The following CATSPERE variants were observed in gnomAD, a reference collection of about 807,000 sequenced individuals.
CATSPERE encodes catsper channel auxiliary subunit epsilon.
Under a neutral mutation model 114.1 loss-of-function variants are expected in CATSPERE, and 93 were observed. The ratio of observed to expected loss-of-function variants is 0.81; its 90% CI spans 0.69 to 0.97. The LOEUF is 0.97. CATSPERE is among the 50% of genes least tolerant of loss of function. The pLI, the probability that CATSPERE is intolerant of heterozygous loss-of-function variation, is 0.00. For synonymous variants in CATSPERE, 341 were observed against 384.1 expected, an observed-to-expected ratio of 0.89 and a Z score of 1.31; for missense variants, 1,058 against 1,131.6, an observed-to-expected ratio of 0.93 and a Z score of 0.93.
intron 19 of CATSPERE, among the ~76,000 whole-genome samples, chr1:244,610,866 T>C (rs1049797496): frequency 6.6e-6 from 1 of 152,018 alleles, no homozygotes; most frequent in African/African-American, 2.4e-5. Context: ...GTTCAAGTGA[T>C]TCTCCTGCCT....
chr1:244,465,261 C>A (rs1342049202), intron 2 of CATSPERE, among the ~76,000 whole-genome samples: 1 of 152,130 alleles, frequency 6.6e-6, no homozygotes, highest in Non-Finnish European at 1.5e-5. Context: ...GTCTTGAACT[C>A]CTGACCTCGT....
chr1:244,464,025 A>G, intron 2 of CATSPERE, 69 bp downstream of exon 2: 3 of 1,118,376 alleles, frequency 2.7e-6, no homozygotes, highest in Non-Finnish European at 4.0e-6. Flanking sequence ...CAGAGAGCAG[A>G]GTTAATCATA....
chr1:244,548,554 C>T (rs989635001), intron 8 of CATSPERE, among the ~76,000 whole-genome samples: 3 of 152,214 alleles, frequency 2.0e-5, no homozygotes, highest in Non-Finnish European at 2.9e-5. Flanking sequence ...ATCCTTCTGC[C>T]ATAATTATCA....
chr1:244,572,296 C>G (rs1304176831), intron 10 of CATSPERE, 34 bp from the exon 11 acceptor site: 2 of 1,058,874 alleles, frequency 1.9e-6, no homozygotes, highest in Non-Finnish European at 1.4e-6. Flanking sequence ...TTTATGGTTA[C>G]TTAGACTAAC....
rs539018994 is a variant in CATSPERE, at chr1:244,491,929, C to A, written c.351+1458C>A. 3.3e-4 allele frequency among the ~76,000 whole-genome samples: 50 copies of A among 152,248 alleles called. 1 individual carries two copies. In the South Asian group the frequency reaches 9.3e-3, roughly 28 times the overall value. On this transcript the variant is annotated intron_variant, in intron 6 of 21. Transcript: ENST00000366534. The stretch of plus-strand genomic sequence containing the variant: ...AATCTCTGAATAGACCAATAACAGG[C>A]TCTGAAATTGTGGCAATAATCAATA...
At chr1:244,590,868 C>T (rs1667632597) in intron 14 of CATSPERE, among the ~76,000 whole-genome samples, 1 of 152,172 alleles carries the variant, frequency 6.6e-6, no homozygotes, top group Admixed American at 6.5e-5. Context: ...TTTCTACCTT[C>T]TGGCTTTTGT....
Position 244,560,741 on chromosome 1 carries a change from T to C in CATSPERE, c.1103T>C (p.Phe368Ser). Reference sequence around the variant, plus strand: ...TACCTCGGATCCATTCTTCTTAAGTTTGCCAGATTAGTAACTACCACAGAA... The same window carrying C: ...TACCTCGGATCCATTCTTCTTAAGTCTGCCAGATTAGTAACTACCACAGAA... ...EIYLGSILLK[F>S]ARLVTTTELK... Residue 368 changes from phenylalanine (F) to serine (S), a missense_variant, in exon 10 of 22, where the codon TTT (phenylalanine) becomes TCT (serine). Physicochemically the swap from Phe to Ser is radical, Grantham distance 155. Transcript: ENST00000366534. The C allele has an allele frequency of 6.2e-7, 1 of 1,614,046 alleles. No homozygotes were observed. Among genetic ancestry groups the C allele is most frequent in the Non-Finnish European group, 8.5e-7 (1 of 1,180,002 alleles).
intron 20 of CATSPERE, among the ~76,000 whole-genome samples, chr1:244,632,403 A>AAG (rs1471423692): frequency 1.3e-5 from 2 of 151,384 alleles, no homozygotes; most frequent in African/African-American, 4.8e-5. Flanking sequence ...CAAAAAAAAA[A>AAG]AAAAAATGAA....
At chr1:244,619,005 CTTTGACCACAATAGGTAATGGGGTG>C (rs2148711057) in intron 20 of CATSPERE, among the ~76,000 whole-genome samples, 1 of 152,206 alleles carries the variant, frequency 6.6e-6, no homozygotes, top group East Asian at 1.9e-4. Context: ...GTGGCATTTC[CTTTGACCACAATAGGTAATGGGGTG>C]GTTTTTCTGT....
At chr1:244,555,694 C>G (rs6669136) in intron 9 of CATSPERE, among the ~76,000 whole-genome samples, 20,160 of 152,022 alleles carry the variant, frequency 0.13, 2,397 homozygotes, top group African/African-American at 0.32. Context: ...CCTAAAGACT[C>G]CACAAAAAAT....
At chr1:244,455,607 C>T (rs1666079255) in intron 1 of CATSPERE, among the ~76,000 whole-genome samples, 1 of 149,726 alleles carries the variant, frequency 6.7e-6, no homozygotes, top group Non-Finnish European at 1.5e-5. Flanking sequence ...TTTCTCTCTT[C>T]TTGGATCTTG....
chr1:244,510,074 G>C (rs557706987), intron 7 of CATSPERE, among the ~76,000 whole-genome samples: 1 of 151,908 alleles, frequency 6.6e-6, no homozygotes, highest in African/African-American at 2.4e-5. Flanking sequence ...ATTTCATTTA[G>C]TTCTGCTCTG....
chr1:244,568,881 C>T lies in CATSPERE; in HGVS notation c.1508-3449C>T, dbSNP rs961406148. Among the ~76,000 whole-genome samples, 1 of 152,074 alleles carries T rather than the reference C, an allele frequency of 6.6e-6. No homozygotes were observed. Among genetic ancestry groups the T allele is most frequent in the Admixed American group, 6.6e-5 (1 of 15,264 alleles). On this transcript the variant is annotated intron_variant, in intron 10 of 21. Coordinates refer to ENST00000366534, the MANE Select transcript of CATSPERE (RefSeq NM_001130957.2). This position sits in a 1 kb window ranked among gnomAD's most constrained non-coding sequence, Gnocchi z 4.4. Reference sequence around the variant, plus strand: ...TCTCTCACTGGTGTTCCTGGCACCACTGGGGTATGAAAAAAAACAAAAACA... The same window carrying T: ...TCTCTCACTGGTGTTCCTGGCACCATTGGGGTATGAAAAAAAACAAAAACA...
rs1014738100 is a variant in CATSPERE at position 244,573,119 on chromosome 1, A to C, written c.1950+347A>C. 6.6e-6 allele frequency among the ~76,000 whole-genome samples: 1 copy of C among 152,090 alleles called. No individual in the cohort carries two copies. Among genetic ancestry groups the C allele is most frequent in the Non-Finnish European group, 1.5e-5 (1 of 68,010 alleles). On this transcript the variant is annotated intron_variant, in intron 11 of 21. Transcript: ENST00000366534. The surrounding 1 kb of genome is among the most constrained non-coding windows in gnomAD (Gnocchi z 4.0). ...TCAAAACCTAATTGCTTAGAACAAC[A>C]ACCAATTCTGGGCCGGGCATGGTGG...
At chr1:244,622,401 CTTTTT>C (rs142928066) in intron 20 of CATSPERE, among the ~76,000 whole-genome samples, 7 of 90,580 alleles carry the variant, frequency 7.7e-5, no homozygotes, top group Admixed American at 1.3e-4. Context: ...CTTTCCTTTT[CTTTTT>C]TTTTTTTTTT....
At chr1:244,565,637 CTTCT>C (rs1663331276) in intron 10 of CATSPERE, among the ~76,000 whole-genome samples, 1 of 151,906 alleles carries the variant, frequency 6.6e-6, no homozygotes, top group Non-Finnish European at 1.5e-5. Flanking sequence ...TCTCTCCTTT[CTTCT>C]TTATTAGGCT....
At chr1:244,480,716 T>G (rs994644521) in intron 5 of CATSPERE, among the ~76,000 whole-genome samples, 1 of 89,196 alleles carries the variant, frequency 1.1e-5, no homozygotes, top group African/African-American at 3.8e-5. Flanking sequence ...ATTTTTGGAT[T>G]GGACATCCTG....
intron 7 of CATSPERE, chr1:244,515,315 T>G (rs1676445158): frequency 1.0e-6 from 1 of 981,320 alleles, no homozygotes; most frequent in African/African-American, 1.7e-5. Context: ...AGATACATAC[T>G]CTCCTCTGGA....
Position 244,614,239 on chromosome 1 carries a change from G to A in CATSPERE, c.2491-3290G>A, listed in dbSNP as rs148827080. On this transcript the variant is annotated intron_variant, in intron 19 of 21. Coordinates refer to ENST00000366534, the MANE Select transcript of CATSPERE (RefSeq NM_001130957.2). The stretch of plus-strand genomic sequence containing the variant: ...ACAGGTCGCTCAAGCTGTGTTCCTA[G>A]AGCTTCTGCAGCTGGCACCACCCTG... Among the ~76,000 whole-genome samples the A allele has an allele frequency of 2.1e-3, 316 of 152,340 alleles. 1 individual carries two copies. Among genetic ancestry groups the A allele is most frequent in the African/African-American group, 7.3e-3 (303 of 41,568 alleles).
Sources: allele counts gnomAD v4.1 joint callset (sites outside exome capture counted in the v4.1 genomes callset), GRCh38; gene constraint gnomAD v4.1.1; non-coding constraint Gnocchi (gnomAD v3.1); transcripts MANE v1.5; gene names NCBI Gene and HGNC (gene_info 2026-07-23, HGNC 2026-07-21).